Variants in NAALADL2 observed in about 807,000 individuals in gnomAD.
NAALADL2 encodes the protein inactive N-acetylated-alpha-linked acidic dipeptidase-like protein 2.
Under a neutral mutation model 87.2 loss-of-function variants are expected in NAALADL2, and 76 were observed. The observed-to-expected ratio is 0.87, with a 90% confidence interval of 0.72 to 1.05. The LOEUF (loss-of-function observed/expected upper bound fraction) is 1.05. NAALADL2 is among the 50% of genes least tolerant of loss of function. The pLI is 0.00. For missense variants in NAALADL2, 1,089 were observed against 945.8 expected (o/e 1.15, Z -1.99); for synonymous variants, 354 against 331.0 (o/e 1.07, Z -0.75).
chr3:174,758,026 A>G (rs1172960389), intron 3 of NAALADL2, among the ~76,000 whole-genome samples: 2 of 152,252 alleles, frequency 1.3e-5, no homozygotes, highest in Non-Finnish European at 2.9e-5. Flanking sequence ...GAAAAGGCTC[A>G]TATGAGCCTG....
chr3:175,738,621 T>G (rs1050363429), intron 12 of NAALADL2, among the ~76,000 whole-genome samples: 3 of 152,178 alleles, frequency 2.0e-5, no homozygotes, highest in Non-Finnish European at 2.9e-5. Flanking sequence ...CCCTCAATAC[T>G]TCTTATGATT....
chr3:174,931,298 C>T (rs1736855342), intron 1 of NAALADL2, among the ~76,000 whole-genome samples: 2 of 152,038 alleles, frequency 1.3e-5, no homozygotes, highest in African/African-American at 4.8e-5. Flanking sequence ...GGTTCTGGAG[C>T]CAGGTACCTG....
Position 175,636,942 on chromosome 3 carries a change from CCT to C in NAALADL2, c.1896+9559_1896+9560del, listed in dbSNP as rs201989497. 4.8e-3 allele frequency among the ~76,000 whole-genome samples: 726 copies of C among 152,212 alleles called. 5 individuals carry two copies. Among genetic ancestry groups the C allele is most frequent in the Middle Eastern group, 0.014 (4 of 294 alleles). On this transcript the variant is annotated intron_variant, in intron 11 of 13. Coordinates refer to ENST00000454872, the MANE Select transcript of NAALADL2 (RefSeq NM_207015.3). The stretch of plus-strand genomic sequence containing the variant: ...AATGTCAGAAACATTTGAATGCATG[CCT>C]CTGTGTATAGCAAGATATTTAAATA...
At chr3:174,814,850 T>G (rs1028746497) in intron 3 of NAALADL2, among the ~76,000 whole-genome samples, 8 of 152,156 alleles carry the variant, frequency 5.3e-5, no homozygotes, top group African/African-American at 1.9e-4. Context: ...GACCCTTCGG[T>G]TGCAAGCTAT....
At chr3:175,456,358 T>C (rs1350638440) in intron 6 of NAALADL2, among the ~76,000 whole-genome samples, 1 of 152,088 alleles carries the variant, frequency 6.6e-6, no homozygotes, top group Non-Finnish European at 1.5e-5. Context: ...TTTTATATCT[T>C]GAAATCTTTT....
At chr3:174,655,262 T>A (rs1275485754) in intron 2 of NAALADL2, among the ~76,000 whole-genome samples, 1 of 152,026 alleles carries the variant, frequency 6.6e-6, no homozygotes, top group East Asian at 1.9e-4. Context: ...GCTGTTGTTG[T>A]TAAAGAATAT....
At chr3:175,017,128 T>C (rs1750926520) in intron 1 of NAALADL2, among the ~76,000 whole-genome samples, 2 of 151,846 alleles carry the variant, frequency 1.3e-5, no homozygotes, top group South Asian at 4.1e-4. Context: ...AAATAATAAC[T>C]TAATTGGATG....
intron 2 of NAALADL2, among the ~76,000 whole-genome samples, chr3:174,710,239 T>C (rs1047327121): frequency 7.9e-5 from 12 of 151,174 alleles, no homozygotes; most frequent in Non-Finnish European, 1.5e-4. Context: ...CCTTTTTTTT[T>C]TTTTTCTTTT....
intron 5 of NAALADL2, among the ~76,000 whole-genome samples, chr3:175,346,488 C>A (rs1763171280): frequency 2.0e-5 from 3 of 152,068 alleles, no homozygotes; most frequent in Admixed American, 2.0e-4. Flanking sequence ...TCTTTTATTT[C>A]TATCTAAATG....
chr3:174,494,881 A>C (rs1380044010), intron 1 of NAALADL2, among the ~76,000 whole-genome samples: 1 of 152,168 alleles, frequency 6.6e-6, no homozygotes, highest in Non-Finnish European at 1.5e-5. Context: ...AGGAGAAAGC[A>C]CTTTATTTAG....
At chr3:175,318,535 A>T (rs1759444723) in intron 4 of NAALADL2, among the ~76,000 whole-genome samples, 1 of 152,194 alleles carries the variant, frequency 6.6e-6, no homozygotes, top group Non-Finnish European at 1.5e-5. Context: ...GTAATACAGA[A>T]TACTGAAAGA....
intron 2 of NAALADL2, among the ~76,000 whole-genome samples, chr3:174,573,110 A>G (rs1715125295): frequency 6.6e-6 from 1 of 152,160 alleles, no homozygotes; most frequent in Admixed American, 6.6e-5. Flanking sequence ...TATCACATGG[A>G]CCTCTTAAAA....
chr3:175,585,160 C>T (rs528007371), intron 10 of NAALADL2, among the ~76,000 whole-genome samples: 19 of 142,248 alleles, frequency 1.3e-4, no homozygotes, highest in Middle Eastern at 3.6e-3. Flanking sequence ...TATTTATTTA[C>T]TTTAAAAAAT....
chr3:175,698,373 G>A (rs1235570975), intron 11 of NAALADL2, among the ~76,000 whole-genome samples: 1 of 98,716 alleles, frequency 1.0e-5, no homozygotes, highest in African/African-American at 5.4e-5. Flanking sequence ...ATATATGTAT[G>A]TGTATTTATG....
At chr3:175,088,941 C>T (rs549738401) in intron 1 of NAALADL2, among the ~76,000 whole-genome samples, 1 of 152,176 alleles carries the variant, frequency 6.6e-6, no homozygotes, top group Admixed American at 6.5e-5. Flanking sequence ...TATCTGAAAA[C>T]AGGTCGGCAG....
At chr3:175,268,777 G>C (rs1394682104) in intron 4 of NAALADL2, among the ~76,000 whole-genome samples, 1 of 151,908 alleles carries the variant, frequency 6.6e-6, no homozygotes, top group African/African-American at 2.4e-5. Flanking sequence ...GCCTACACAG[G>C]GTCTGGATCA....
intron 11 of NAALADL2, among the ~76,000 whole-genome samples, chr3:175,733,107 A>C (rs1050063898): frequency 7.9e-5 from 12 of 152,068 alleles, no homozygotes; most frequent in African/African-American, 2.7e-4. Flanking sequence ...TAATAAACAC[A>C]TTTTCCCAAG....
At chr3:175,541,913 G>A (rs1712411530) in intron 9 of NAALADL2, among the ~76,000 whole-genome samples, 1 of 152,112 alleles carries the variant, frequency 6.6e-6, no homozygotes, top group African/African-American at 2.4e-5. Context: ...AAGAGATGGG[G>A]TTTCACCATG....
At position 174,625,842 on chromosome 3, in the gene NAALADL2, A is replaced by T. The variant is rs1395324558; in HGVS notation, c.-115+75205A>T. Among the ~76,000 whole-genome samples the T allele has an allele frequency of 2.0e-5, 3 of 152,144 alleles. No homozygotes were observed. In the East Asian group the frequency reaches 5.8e-4, roughly 29 times the overall value. ...AATTGCAATTGGGGTTTATGGAAAT[A>T]TTCACACCTGTGCGCATATACATAC... On this transcript the variant is annotated intron_variant, in intron 2 of 3. Transcript: ENST00000434257.
Sources: allele counts gnomAD v4.1 joint callset (sites outside exome capture counted in the v4.1 genomes callset), GRCh38; gene constraint gnomAD v4.1.1; transcripts MANE v1.5; gene names NCBI Gene and HGNC (gene_info 2026-07-23, HGNC 2026-07-21).